The following LINGO1 variants were observed in gnomAD, a reference collection of about 807,000 sequenced individuals.
LINGO1 encodes leucine-rich repeat and immunoglobulin-like domain-containing nogo receptor-interacting protein 1.
Under a neutral mutation model 37.3 loss-of-function variants are expected in LINGO1, and 11 were observed. The ratio of observed to expected loss-of-function variants is 0.29; its 90% CI spans 0.19 to 0.49. LINGO1 has a LOEUF of 0.49. LINGO1 is among the 20% of genes least tolerant of loss of function. The pLI is 0.99. For missense variants in LINGO1, 585 were observed against 878.2 expected (o/e 0.67, Z 4.22); for synonymous variants, 387 against 403.0 (o/e 0.96, Z 0.48).
intron 3 of LINGO1, among the ~76,000 whole-genome samples, chr15:77,643,976 C>T (rs1359707996): frequency 1.3e-5 from 2 of 152,224 alleles, no homozygotes; most frequent in African/African-American, 2.4e-5. Context: ...GAATGTGGCA[C>T]CTGCTCCAAA....
At chr15:77,781,727 G>A (rs1179285642) in intron 1 of LINGO1, among the ~76,000 whole-genome samples, 1 of 152,228 alleles carries the variant, frequency 6.6e-6, no homozygotes, top group Non-Finnish European at 1.5e-5. Flanking sequence ...GCTCAGAGGG[G>A]GTAGTGACTT....
intron 1 of LINGO1, among the ~76,000 whole-genome samples, chr15:77,764,206 C>A (rs1338600599): frequency 1.3e-5 from 2 of 152,328 alleles, no homozygotes; most frequent in Non-Finnish European, 2.9e-5. Flanking sequence ...GGATGCCTGT[C>A]ATCTCTCTGC....
chr15:77,695,511 TCCCCA>T, intron 1 of LINGO1, among the ~76,000 whole-genome samples: 1 of 152,282 alleles, frequency 6.6e-6, no homozygotes, highest in African/African-American at 2.4e-5. Flanking sequence ...CCTGGGCTCA[TCCCCA>T]GATGCCCAGG....
chr15:77,725,669 G>A (rs2076095163), intron 2 of LINGO1, among the ~76,000 whole-genome samples: 1 of 152,224 alleles, frequency 6.6e-6, no homozygotes, highest in Non-Finnish European at 1.5e-5. Flanking sequence ...GGCACAGGGT[G>A]GGGAAAAGGC....
chr15:77,745,166 G>T lies in LINGO1; in HGVS notation c.-256-10113C>A, dbSNP rs1271508351. ...AAAAAGGCTGGGCACGGTGGCTCAC[G>T]CCTGTAATCCCAGCACTTTGGAAGG... On this transcript the variant is annotated intron_variant, in intron 1 of 3. Transcript: ENST00000561686. Among the ~76,000 whole-genome samples, 6 of 148,062 alleles carry T rather than the reference G, an allele frequency of 4.1e-5. No homozygotes were observed. The South Asian group carries it at 8.6e-4, about 21-fold the overall frequency.
In LINGO1 at chr15:77,657,314, G is replaced by C. The variant is rs575696913; in HGVS notation, c.-13+19775C>G. ...GGGGCATCTTGAAAGAACCACCCTG[G>C]GCAGGCTAGGTGGATGAGGGGCCGG... On this transcript the variant is annotated intron_variant, in intron 3 of 3. Coordinates refer to the LINGO1 transcript ENST00000559893. 9.0e-4 allele frequency among the ~76,000 whole-genome samples: 136 copies of C among 151,950 alleles called. 1 individual carries two copies. Among genetic ancestry groups the C allele is most frequent in the Non-Finnish European group, 1.6e-4 (11 of 67,940 alleles).
intron 2 of LINGO1, among the ~76,000 whole-genome samples, chr15:77,712,254 C>T (rs1596143638): frequency 6.6e-6 from 1 of 152,278 alleles, no homozygotes; most frequent in African/African-American, 2.4e-5. Context: ...CCTGGTCAAA[C>T]CTCCCAGCTG....
chr15:77,674,089 C>T (rs1024663395), intron 3 of LINGO1, among the ~76,000 whole-genome samples: 1 of 152,140 alleles, frequency 6.6e-6, no homozygotes, highest in Non-Finnish European at 1.5e-5. Flanking sequence ...CGCTCCTCTC[C>T]GATCTCCCCA....
intron 1 of LINGO1, among the ~76,000 whole-genome samples, chr15:77,798,061 A>G (rs2076887593): frequency 6.6e-6 from 1 of 152,146 alleles, no homozygotes; most frequent in African/African-American, 2.4e-5. Context: ...CAGTGAAGAG[A>G]GACCTGCTCA....
rs184397768 is a variant in LINGO1 at position 77,617,366 on chromosome 15, C to T, written c.7-1466G>A. The stretch of plus-strand genomic sequence containing the variant: ...AGGGTAGGTCAGACCCTAGGAGCTG[C>T]TCCAGGGGTGGATCAGATGGCCTCT... On this transcript the variant is annotated intron_variant, in intron 1 of 1. Coordinates refer to ENST00000355300, the MANE Select transcript of LINGO1 (RefSeq NM_032808.7). Among the ~76,000 whole-genome samples, 524 of 150,318 alleles carry T rather than the reference C, an allele frequency of 3.5e-3. 4 individuals carry two copies. The highest frequency in any genetic ancestry group is 2.8e-3 in the Non-Finnish European group (188 of 66,790).
At chr15:77,735,836 C>T (rs1335383771) in intron 1 of LINGO1, among the ~76,000 whole-genome samples, 1 of 152,182 alleles carries the variant, frequency 6.6e-6, no homozygotes, top group Non-Finnish European at 1.5e-5. Context: ...AGTTCACAGG[C>T]TAAATGGGAG....
chr15:77,795,342 C>G (rs1403266667), intron 2 of LINGO1, among the ~76,000 whole-genome samples: 1 of 152,202 alleles, frequency 6.6e-6, no homozygotes, highest in Non-Finnish European at 1.5e-5. Context: ...CTCCCACATT[C>G]TGGGGGTCCT....
At chr15:77,642,735 C>T (rs576720693) in intron 3 of LINGO1, among the ~76,000 whole-genome samples, 3 of 152,278 alleles carry the variant, frequency 2.0e-5, no homozygotes, top group East Asian at 1.9e-4. Flanking sequence ...TCTCCGGGTC[C>T]GGAAATCCCC....
At chr15:77,683,505 C>T (rs1015620778) in intron 2 of LINGO1, among the ~76,000 whole-genome samples, 29 of 152,088 alleles carry the variant, frequency 1.9e-4, no homozygotes, top group African/African-American at 6.5e-4. Flanking sequence ...ATGCTTTGTA[C>T]AAACAATGGA....
At chr15:77,633,506 G>A (rs542864912), upstream of LINGO1, among the ~76,000 whole-genome samples, 31 of 152,334 alleles carry the variant, frequency 2.0e-4, no homozygotes, top group African/African-American at 7.5e-4. Flanking sequence ...GCGGGAGGGC[G>A]AGGCAGGCAG....
At chr15:77,698,091 G>T (rs2075719812), upstream of LINGO1, among the ~76,000 whole-genome samples, 1 of 152,154 alleles carries the variant, frequency 6.6e-6, no homozygotes, top group Non-Finnish European at 1.5e-5. Flanking sequence ...AGTGAGTTAG[G>T]AATGAGGCAG....
chr15:77,718,853 C>T (rs1014456474), intron 2 of LINGO1, among the ~76,000 whole-genome samples: 4 of 150,840 alleles, frequency 2.7e-5, no homozygotes, highest in Admixed American at 2.0e-4. Context: ...CCGGGGCCTC[C>T]CTGACTGCCA....
chr15:77,679,193 G>A (rs1306777802), intron 2 of LINGO1, among the ~76,000 whole-genome samples: 3 of 152,160 alleles, frequency 2.0e-5, no homozygotes, highest in Non-Finnish European at 1.5e-5. Context: ...GAGCCACCGC[G>A]CTCGGCCTGC....
chr15:77,625,487 G>A (rs1208441599), intron 1 of LINGO1, among the ~76,000 whole-genome samples: 1 of 152,132 alleles, frequency 6.6e-6, no homozygotes, highest in African/African-American at 2.4e-5. Context: ...CAATGGTTTG[G>A]CTCCAGAGTC....
Sources: gnomAD v4.1 joint callset for allele counts (sites outside exome capture counted in the v4.1 genomes callset) on GRCh38, gnomAD v4.1.1 for gene constraint, MANE v1.5 for transcripts, NCBI Gene and HGNC (gene_info 2026-07-23, HGNC 2026-07-21) for gene names.